Variants in RNLS observed in about 807,000 individuals in gnomAD.
The protein encoded by RNLS is renalase, FAD dependent amine oxidase, also known as renalase.
A neutral mutation model predicts 39.8 loss-of-function variants in RNLS; 39 were observed. The observed-to-expected ratio is 0.98, with a 90% CI of 0.76 to 1.28. The LOEUF (loss-of-function observed/expected upper bound fraction) is 1.28. RNLS is among the 50% of genes most tolerant of loss of function. RNLS has a pLI of 0.00. For missense variants in RNLS, 410 were observed against 413.3 expected (o/e 0.99, Z 0.07); for synonymous variants, 147 against 150.7 (o/e 0.98, Z 0.18).
At chr10:88,249,099 T>G in the RNLS span, among the ~76,000 whole-genome samples, 1 of 152,346 alleles carries the variant, frequency 6.6e-6, no homozygotes, top group Non-Finnish European at 1.5e-5. Flanking sequence ...GGCTTCTGGA[T>G]GGGTTATGCC....
chr10:88,481,847 C>A (rs527289513), intron 4 of RNLS, among the ~76,000 whole-genome samples: 227 of 152,210 alleles, frequency 1.5e-3, no homozygotes, highest in Non-Finnish European at 1.2e-3. Flanking sequence ...GCCTGAAAGA[C>A]TTCCTTTGGT....
intron 4 of RNLS, among the ~76,000 whole-genome samples, chr10:88,548,281 A>G (rs1335138220): frequency 2.1e-5 from 3 of 142,800 alleles, no homozygotes; most frequent in Non-Finnish European, 4.5e-5. Context: ...AAAAAAAAAA[A>G]AAAAAAAAAA....
At chr10:88,213,138 G>A in the RNLS span, among the ~76,000 whole-genome samples, 42 of 152,228 alleles carry the variant, frequency 2.8e-4, no homozygotes, top group South Asian at 2.9e-3. Flanking sequence ...ATTCTTCTGC[G>A]CTGGCTTTAA....
At chr10:88,473,491 T>C (rs1015179638) in intron 4 of RNLS, among the ~76,000 whole-genome samples, 10 of 152,056 alleles carry the variant, frequency 6.6e-5, no homozygotes, top group African/African-American at 2.4e-4. Context: ...TGGTTAAACT[T>C]TGGAGACTTG....
chr10:88,178,973 C>T, the RNLS span, among the ~76,000 whole-genome samples: 1 of 152,166 alleles, frequency 6.6e-6, no homozygotes. Flanking sequence ...GAGTCAAGTG[C>T]TATTGTAGAT....
chr10:88,574,443 T>C (rs1004590462), intron 3 of RNLS, among the ~76,000 whole-genome samples: 2 of 152,206 alleles, frequency 1.3e-5, no homozygotes, highest in African/African-American at 4.8e-5. Context: ...TTCCTCTCTA[T>C]GATATTCTTC....
At chr10:88,570,094 T>C (rs2134432398) in intron 4 of RNLS, among the ~76,000 whole-genome samples, 1 of 152,254 alleles carries the variant, frequency 6.6e-6, no homozygotes, top group South Asian at 2.1e-4. Flanking sequence ...AATAATTCTA[T>C]GAGGCCTACA....
chr10:88,431,308 GA>G (rs1257025642), intron 4 of RNLS, among the ~76,000 whole-genome samples: 1 of 151,422 alleles, frequency 6.6e-6, no homozygotes, highest in Non-Finnish European at 1.5e-5. Flanking sequence ...TATCTCTACA[GA>G]CTTGGTAATT....
chr10:88,355,265 A>G (rs1384916535), intron 5 of RNLS, among the ~76,000 whole-genome samples: 2 of 152,190 alleles, frequency 1.3e-5, no homozygotes, highest in Non-Finnish European at 2.9e-5. Context: ...GAGGAGCTGC[A>G]TTCCTTTGGA....
At chr10:88,416,460 T>C (rs1340303527) in intron 4 of RNLS, among the ~76,000 whole-genome samples, 1 of 151,860 alleles carries the variant, frequency 6.6e-6, no homozygotes, top group Non-Finnish European at 1.5e-5. Flanking sequence ...TCCATGTTGG[T>C]CAGGCTAGTC....
At chr10:88,376,193 A>G (rs932332657) in intron 4 of RNLS, among the ~76,000 whole-genome samples, 1 of 152,118 alleles carries the variant, frequency 6.6e-6, no homozygotes, top group African/African-American at 2.4e-5. Flanking sequence ...GGAAGACTAA[A>G]GGGAGCTCAG....
At chr10:88,405,106 T>C (rs925457049) in intron 4 of RNLS, among the ~76,000 whole-genome samples, 1 of 152,078 alleles carries the variant, frequency 6.6e-6, no homozygotes, top group African/African-American at 2.4e-5. Flanking sequence ...CAGGGCCGAA[T>C]ACTGCCTTGA....
At chr10:88,362,902 T>A (rs746307054) in intron 4 of RNLS, among the ~76,000 whole-genome samples, 177 bp from the exon 5 acceptor site, 1 of 152,210 alleles carries the variant, frequency 6.6e-6, no homozygotes, top group Non-Finnish European at 1.5e-5. Flanking sequence ...TTTGGAATAA[T>A]TATTAACTTT....
At chr10:88,252,208 C>A in the RNLS span, among the ~76,000 whole-genome samples, 1 of 152,192 alleles carries the variant, frequency 6.6e-6, no homozygotes, top group African/African-American at 2.4e-5. Flanking sequence ...TCGTCATATC[C>A]AATTTATGTG....
chr10:88,221,356 T>C, the RNLS span, among the ~76,000 whole-genome samples: 1 of 152,220 alleles, frequency 6.6e-6, no homozygotes, highest in African/African-American at 2.4e-5. Context: ...ACTGGTCCTT[T>C]TGAAAATGAA....
chr10:88,456,624 T>G (rs565366483), intron 4 of RNLS, among the ~76,000 whole-genome samples: 1 of 152,188 alleles, frequency 6.6e-6, no homozygotes. Context: ...GGGTAGCATT[T>G]ATACAGAATG....
intron 3 of RNLS, among the ~76,000 whole-genome samples, chr10:88,576,422 C>T (rs1319624726): frequency 3.9e-5 from 6 of 152,194 alleles, no homozygotes; most frequent in Non-Finnish European, 8.8e-5. Flanking sequence ...TTATCCCTGG[C>T]CTTCCTCCAT....
At chr10:88,356,036 T>C (rs545696838) in intron 5 of RNLS, among the ~76,000 whole-genome samples, 54 of 152,296 alleles carry the variant, frequency 3.5e-4, no homozygotes, top group African/African-American at 1.2e-3. Context: ...GGATATAATC[T>C]CCTGGTGTGC....
chr10:88,335,684 A>G (rs1847437641), intron 5 of RNLS, among the ~76,000 whole-genome samples: 1 of 152,242 alleles, frequency 6.6e-6, no homozygotes, highest in Non-Finnish European at 1.5e-5. Context: ...TGTAGTGGTA[A>G]CGCAGATTTA....
Sources: allele counts gnomAD v4.1 joint callset (sites outside exome capture counted in the v4.1 genomes callset), GRCh38; gene constraint gnomAD v4.1.1; transcripts MANE v1.5; gene names NCBI Gene and HGNC (gene_info 2026-07-23, HGNC 2026-07-21).